Variants in CENPF observed in about 807,000 individuals in gnomAD.
CENPF encodes centromere protein F.
Under a neutral mutation model 307.3 loss-of-function variants are expected in CENPF, and 214 were observed. The ratio of observed to expected loss-of-function variants is 0.70; its 90% CI spans 0.62 to 0.78. The LOEUF is 0.78. Ranked by LOEUF, CENPF falls within the 30% of genes least tolerant of loss-of-function variation. The probability of loss-of-function intolerance (pLI) is 0.00; values close to 1 mark genes in which losing one functional copy is unlikely to be tolerated. For synonymous variants in CENPF, 1,259 were observed against 1,270.6 expected, an observed-to-expected ratio of 0.99 and a Z score of 0.19; for missense variants, 3,401 against 3,483.9, an observed-to-expected ratio of 0.98 and a Z score of 0.60.
chr1:214,639,924 A>G lies in CENPF; in HGVS notation c.1586A>G (p.Lys529Arg), dbSNP rs143280998. 223 of 1,496,282 alleles carry G rather than the reference A, an allele frequency of 1.5e-4. No homozygotes were observed. The highest frequency in any genetic ancestry group is 1.9e-4 in the Non-Finnish European group (219 of 1,128,566). 92.7% of individuals were successfully genotyped at this position (1,496,282 alleles called of 1,614,324 possible). A position where few individuals can be genotyped will look rare whatever the true frequency, so the allele number is the denominator to read the frequency against. The change falls in exon 12 of 20, where the codon AAG (lysine) becomes AGG (arginine). Residue 529 changes from lysine to arginine, a missense_variant. Lys to Arg is a conservative substitution (Grantham distance 26, BLOSUM62 2). Coordinates refer to ENST00000366955, the MANE Select transcript of CENPF (RefSeq NM_016343.4). Reference protein sequence around the residue: ...SQNFAEEMKAKNTSQETMLRD... With the variant: ...SQNFAEEMKARNTSQETMLRD... ...ACTTTTATTTATTTTTAAATAGCGA[A>G]GAATACCTCTCAGGAAACCATGTTA...
rs1658138460 is a variant in CENPF, at chr1:214,642,150, A to G, written c.3812A>G (p.Lys1271Arg). 2 of 1,614,080 alleles carry G rather than the reference A, an allele frequency of 1.2e-6. No individual in the cohort carries two copies. The highest frequency in any genetic ancestry group is 1.7e-6 in the Non-Finnish European group (2 of 1,179,988). ...LKDCEIDAEE[K>R]YISGPHELST... ...GACTGTGAAATAGATGCGGAAGAAA[A>G]GTATATTTCAGGGCCTCATGAGTTG... Residue 1271 changes from lysine to arginine, a missense_variant, in exon 12 of 20, where the codon AAG becomes AGG. By Grantham distance (26) the Lys-to-Arg change is conservative. Coordinates refer to ENST00000366955, the MANE Select transcript of CENPF (RefSeq NM_016343.4).
Position 214,637,941 on chromosome 1 carries a change from G to A in CENPF, c.1522G>A (p.Glu508Lys). 1 of 1,613,648 alleles carries A rather than the reference G, an allele frequency of 6.2e-7. No individual in the cohort carries two copies. The highest frequency in any genetic ancestry group is 8.5e-7 in the Non-Finnish European group (1 of 1,179,910). Residue 508 changes from glutamate to lysine, a missense_variant, in exon 11 of 20, where the codon GAA (glutamate) becomes AAA (lysine). Glu to Lys is a moderately conservative substitution (Grantham distance 56, BLOSUM62 1). Transcript: ENST00000366955. The stretch of plus-strand genomic sequence containing the variant: ...CAGAGAAGTCTGCCACCTGGAGGCA[G>A]AACTCAAGAACATCAAACAGTGTTT... ...KAREVCHLEAELKNIKQCLNQ... is the reference protein window; with the variant it reads ...KAREVCHLEAKLKNIKQCLNQ...
Position 214,651,389 on chromosome 1 carries a change from G to A in CENPF, c.7984-321G>A, listed in dbSNP as rs1228801211. Among the ~76,000 whole-genome samples, 6 of 152,208 alleles carry A rather than the reference G, an allele frequency of 3.9e-5. No homozygotes were observed. The East Asian group carries it at 9.6e-4, about 24-fold the overall frequency. ...GATGAGGTCAGGAATTATTGCAATG[G>A]AAGTACTTTAATAAACAAGGTTGGA... On this transcript the variant is annotated intron_variant, in intron 14 of 19. Coordinates refer to ENST00000366955, the MANE Select transcript of CENPF (RefSeq NM_016343.4).
Position 214,643,214 on chromosome 1 carries a change from G to A in CENPF, c.4876G>A (p.Ala1626Thr), listed in dbSNP as rs1333651170. ...TCTGGAGATGGAGTCCAAGTTGGCG[G>A]CAGAAAAGAAACAGACGGAACAACT... ...VTLEMESKLAAEKKQTEQLSL... is the reference protein window; with the variant it reads ...VTLEMESKLATEKKQTEQLSL... The change falls in exon 12 of 20, where the codon GCA becomes ACA. Residue 1626 changes from alanine (A) to threonine (T), a missense_variant. Physicochemically the swap from Ala to Thr is moderately conservative, Grantham distance 58. Transcript: ENST00000366955. 1 of 1,602,834 alleles carries A rather than the reference G, an allele frequency of 6.2e-7. No homozygotes were observed. The highest frequency in any genetic ancestry group is 8.5e-7 in the Non-Finnish European group (1 of 1,176,346).
In CENPF at chr1:214,632,584, G is replaced by A; in HGVS notation, c.1428G>A (p.Glu476=). 1.2e-6 allele frequency: 2 copies of A among 1,614,000 alleles called. No individual in the cohort carries two copies. The highest frequency in any genetic ancestry group is 1.7e-6 in the Non-Finnish European group (2 of 1,179,946). ...AFQASQIKEN[E]LRRSMEEMKK... ...AGGCGAGTCAGATCAAGGAGAATGA[G>A]CTGAGGAGAAGCATGGAGGTAAGGG... is the stretch of plus-strand genomic sequence containing the variant. Residue 476 remains glutamate, a synonymous_variant, in exon 10 of 20, where the codon GAG becomes GAA. Transcript: ENST00000366955.
At chr1:214,622,036 A>G in intron 6 of CENPF, 43 bp from the exon 7 acceptor site, 1 of 1,441,836 alleles carries the variant, frequency 6.9e-7, no homozygotes, top group South Asian at 1.2e-5. Flanking sequence ...ATTTTGGGAA[A>G]GATATATATG....
chr1:214,608,002 C>T (rs944840178), intron 1 of CENPF, among the ~76,000 whole-genome samples: 2 of 152,222 alleles, frequency 1.3e-5, no homozygotes, highest in African/African-American at 2.4e-5. Context: ...ACACCACCCA[C>T]TCCCTCCCGC....
Position 214,637,992 on chromosome 1 carries a change from G to T in CENPF, c.1573G>T (p.Glu525Ter). 1 of 1,608,398 alleles carries T rather than the reference G, an allele frequency of 6.2e-7. No homozygotes were observed. Among genetic ancestry groups the T allele is most frequent in the Non-Finnish European group, 8.5e-7 (1 of 1,178,736 alleles). ...CLNQSQNFAE[E>*]MKAKNTSQET... ...AAATCAGAGCCAGAATTTTGCAGAA[G>T]AAATGAAAGGTAAGTAAACTTAGTA... Residue 525 changes from glutamate (E) to a stop codon, truncating the protein, a stop_gained, in exon 11 of 20, where the codon GAA (glutamate) becomes TAA (stop). Transcript: ENST00000366955. LOFTEE classifies it high-confidence loss of function.
At chr1:214,638,275 T>C (rs921825050) in intron 11 of CENPF, among the ~76,000 whole-genome samples, 4 of 152,184 alleles carry the variant, frequency 2.6e-5, no homozygotes, top group Non-Finnish European at 5.9e-5. Flanking sequence ...CACACAAAGC[T>C]AAATTGTCAG....
chr1:214,611,285 A>G (rs1657193852), intron 1 of CENPF, among the ~76,000 whole-genome samples: 1 of 152,098 alleles, frequency 6.6e-6, no homozygotes, highest in South Asian at 2.1e-4. Flanking sequence ...TGGCCATTTC[A>G]ATGATACTGA....
chr1:214,623,100 A>G (rs953208437), intron 7 of CENPF, among the ~76,000 whole-genome samples: 3 of 152,074 alleles, frequency 2.0e-5, no homozygotes, highest in Admixed American at 2.0e-4. Flanking sequence ...AATCCCAGCT[A>G]CTCGGGAGTC....
chr1:214,637,596 C>G (rs1358141622), intron 10 of CENPF, among the ~76,000 whole-genome samples: 2 of 151,830 alleles, frequency 1.3e-5, no homozygotes, highest in African/African-American at 2.4e-5. Context: ...TGAGCTTACT[C>G]TTTAATAGGC....
At chr1:214,628,566 C>T (rs911731366) in intron 7 of CENPF, among the ~76,000 whole-genome samples, 1 of 152,224 alleles carries the variant, frequency 6.6e-6, no homozygotes, top group Admixed American at 6.5e-5. Context: ...GCCTCAGTCT[C>T]CCCAGTAACT....
chr1:214,640,236 T>C lies in CENPF; in HGVS notation c.1898T>C (p.Met633Thr), dbSNP rs1053545171. ...GAAAACGAAAAACTTTTAACTCAGATGGAATCAGAAAAGGAAAACTTGCAG... is the reference window on the plus strand; with the variant it reads ...GAAAACGAAAAACTTTTAACTCAGACGGAATCAGAAAAGGAAAACTTGCAG... ...KSENEKLLTQ[M>T]ESEKENLQSK... The change falls in exon 12 of 20, where the codon ATG becomes ACG. Residue 633 changes from methionine to threonine, a missense_variant. Coordinates refer to ENST00000366955, the MANE Select transcript of CENPF (RefSeq NM_016343.4). 2.5e-6 allele frequency: 4 copies of C among 1,611,986 alleles called. No homozygotes were observed. The African/African-American group carries it at 5.4e-5, about 22-fold the overall frequency.
At position 214,659,169 on chromosome 1, in the gene CENPF, T is replaced by G. The variant is rs1333019262; in HGVS notation, c.9141+141T>G. On this transcript the variant is annotated intron_variant, in intron 19 of 19. Coordinates refer to ENST00000366955, the MANE Select transcript of CENPF (RefSeq NM_016343.4). This position sits in a 1 kb window ranked among gnomAD's most constrained non-coding sequence, Gnocchi z 4.4. ...TCTTGGTGTGGTGTAAGTCAGTCAG[T>G]AGTGAGCAAGTGACCGGGTGAGCAT... 2 of 777,738 alleles carry G rather than the reference T, an allele frequency of 2.6e-6. No individual in the cohort carries two copies. The highest frequency in any genetic ancestry group is 1.7e-5 in the African/African-American group (1 of 57,436). The allele number at this position is 777,738 out of a possible 1,614,324, so 48.2% of individuals were successfully genotyped here.
At chr1:214,626,955 T>C (rs139057040) in intron 7 of CENPF, among the ~76,000 whole-genome samples, 11 of 152,358 alleles carry the variant, frequency 7.2e-5, no homozygotes, top group African/African-American at 2.6e-4. Context: ...ACCAAATCCT[T>C]GTTCTGTCTG....
Position 214,648,695 on chromosome 1 carries a change from G to A in CENPF, c.7851G>A (p.Lys2617=), listed in dbSNP as rs753850285. ...TTCAGGTAAACAAAATGACTGCAAA[G>A]GAAACTGAGCTGCAGAGGGAAATGC... is the stretch of plus-strand genomic sequence containing the variant. ...FVEKVNKMTA[K]ETELQREMHE... Residue 2617 remains lysine, a synonymous_variant, in exon 14 of 20, where the codon AAG becomes AAA. Transcript: ENST00000366955. 2 of 1,612,654 alleles carry A rather than the reference G, an allele frequency of 1.2e-6. No individual in the cohort carries two copies. Among genetic ancestry groups the A allele is most frequent in the Non-Finnish European group, 1.7e-6 (2 of 1,179,694 alleles).
chr1:214,628,486 C>T (rs2102546162), intron 7 of CENPF, among the ~76,000 whole-genome samples: 1 of 152,234 alleles, frequency 6.6e-6, no homozygotes, highest in Middle Eastern at 3.4e-3. Context: ...TCTAATTGCC[C>T]AGGCTGGAGT....
chr1:214,626,780 G>A (rs914539526), intron 7 of CENPF, among the ~76,000 whole-genome samples: 5 of 152,154 alleles, frequency 3.3e-5, no homozygotes, highest in Admixed American at 2.0e-4. Flanking sequence ...CTGGCACATG[G>A]TGAACTTATA....
Sources: gnomAD v4.1 joint callset for allele counts (sites outside exome capture counted in the v4.1 genomes callset) on GRCh38, gnomAD v4.1.1 for gene constraint, Gnocchi (gnomAD v3.1) non-coding constraint, MANE v1.5 for transcripts, NCBI Gene and HGNC (gene_info 2026-07-23, HGNC 2026-07-21) for gene names.